Variants in GPC1 observed in about 807,000 individuals in gnomAD.
GPC1 encodes glypican 1.
A neutral mutation model predicts 51.5 loss-of-function variants in GPC1; 26 were observed. The ratio of observed to expected loss-of-function variants is 0.50; its 90% CI spans 0.37 to 0.70. The LOEUF (loss-of-function observed/expected upper bound fraction) is 0.70. Among genes scored for constraint, GPC1 ranks in the 30% least tolerant of loss-of-function variants. GPC1 has a pLI of 0.00. For missense variants in GPC1, 775 were observed against 800.5 expected (o/e 0.97, Z 0.38); for synonymous variants, 380 against 348.3 (o/e 1.09, Z -1.01).
chr2:240,457,432 TC>T (rs1315717456), intron 1 of GPC1: 2 of 470,646 alleles, frequency 4.2e-6, no homozygotes, highest in East Asian at 1.4e-4. Flanking sequence ...GTGCGGAAGA[TC>T]AGCAAACTCA....
At chr2:240,452,653 G>A (rs1242078634) in intron 1 of GPC1, among the ~76,000 whole-genome samples, 1 of 151,884 alleles carries the variant, frequency 6.6e-6, no homozygotes, top group Admixed American at 6.6e-5. Context: ...CCTCGGCGGC[G>A]GGCAGGAAGG....
At chr2:240,449,623 G>C (rs1182327934) in intron 1 of GPC1, 1 of 313,998 alleles carries the variant, frequency 3.2e-6, no homozygotes, top group South Asian at 2.7e-5. Context: ...CATTCATGCT[G>C]TTGTGCGGCC....
At chr2:240,453,275 C>T (rs1160235888) in intron 1 of GPC1, among the ~76,000 whole-genome samples, 1 of 104,314 alleles carries the variant, frequency 9.6e-6, no homozygotes, top group Admixed American at 8.9e-5. Flanking sequence ...CTACCCCTAC[C>T]CCTCCCGGGC....
intron 1 of GPC1, among the ~76,000 whole-genome samples, chr2:240,446,764 G>C (rs1481201161): frequency 6.6e-6 from 1 of 152,214 alleles, no homozygotes; most frequent in African/African-American, 2.4e-5. Flanking sequence ...CCAGCTCATT[G>C]AGAGGACCAG....
chr2:240,456,378 G>A (rs899261013), intron 1 of GPC1, among the ~76,000 whole-genome samples: 2 of 152,144 alleles, frequency 1.3e-5, no homozygotes, highest in Non-Finnish European at 2.9e-5. Context: ...AGGAGCCGGC[G>A]GGGGACGCCA....
chr2:240,454,330 C>T (rs999969651), intron 1 of GPC1, among the ~76,000 whole-genome samples: 2 of 152,206 alleles, frequency 1.3e-5, no homozygotes, highest in African/African-American at 2.4e-5. Context: ...AGGAAACCCC[C>T]TGGGTCGTTT....
chr2:240,449,217 T>C (rs2074074215), intron 1 of GPC1: 1 of 152,634 alleles, frequency 6.6e-6, no homozygotes, highest in Admixed American at 6.5e-5. Context: ...GAGACCTGAG[T>C]GGGGGAGCCA....
At chr2:240,439,336 A>G (rs1406660782) in intron 1 of GPC1, among the ~76,000 whole-genome samples, 1 of 151,686 alleles carries the variant, frequency 6.6e-6, no homozygotes, top group Non-Finnish European at 1.5e-5. Flanking sequence ...TGGAGCAGAC[A>G]CCCCTGTTCT....
intron 4 of GPC1, 130 bp downstream of exon 4, chr2:240,463,642 C>T (rs939382621): frequency 1.3e-5 from 10 of 750,064 alleles, no homozygotes; most frequent in African/African-American, 1.2e-4. Context: ...CTGACCCGGG[C>T]CAGATCTGGG....
At chr2:240,453,083 G>C (rs117203623) in intron 1 of GPC1, 1 of 301,188 alleles carries the variant, frequency 3.3e-6, no homozygotes, top group Non-Finnish European at 6.5e-6. Flanking sequence ...CAGCGCCACC[G>C]TACCCGCATC....
chr2:240,465,179 G>A lies in GPC1; in HGVS notation c.1237G>A (p.Asp413Asn). 6.2e-7 allele frequency: 1 copy of A among 1,611,874 alleles called. No individual in the cohort carries two copies. The highest frequency in any genetic ancestry group is 8.5e-7 in the Non-Finnish European group (1 of 1,179,408). Reference sequence around the variant, plus strand: ...GATGGCCCTGAGCACTGCCAGTGATGACCGCTGCTGGAACGGGATGGCCAG... The same window carrying A: ...GATGGCCCTGAGCACTGCCAGTGATAACCGCTGCTGGAACGGGATGGCCAG... ...EKMALSTASD[D>N]RCWNGMARGR... is the part of the protein sequence containing the mutation. The change falls in exon 7 of 9, where the codon GAC becomes AAC. Residue 413 changes from aspartate to asparagine, a missense_variant. Coordinates refer to ENST00000264039, the MANE Select transcript of GPC1 (RefSeq NM_002081.3).
intron 7 of GPC1, 87 bp downstream of exon 7, chr2:240,465,297 C>A: frequency 6.9e-7 from 1 of 1,440,566 alleles, no homozygotes; most frequent in Non-Finnish European, 9.4e-7. Flanking sequence ...TGCACGGGGC[C>A]ACGTCCCTTG....
At chr2:240,449,023 G>T (rs1042884632) in intron 1 of GPC1, among the ~76,000 whole-genome samples, 2 of 152,128 alleles carry the variant, frequency 1.3e-5, no homozygotes, top group African/African-American at 2.4e-5. Context: ...TGAGACCTGG[G>T]GGGGAAGCCA....
chr2:240,457,505 C>T (rs377214214), intron 1 of GPC1: 30 of 467,494 alleles, frequency 6.4e-5, no homozygotes, highest in African/African-American at 4.2e-4. Flanking sequence ...CCCCAGATGG[C>T]CTCTAGTGGG....
chr2:240,461,333 C>G (rs1200836210), intron 2 of GPC1, among the ~76,000 whole-genome samples: 1 of 152,212 alleles, frequency 6.6e-6, no homozygotes, highest in Non-Finnish European at 1.5e-5. Context: ...CCCTGCTACC[C>G]TGGAGCACCT....
chr2:240,466,301 GC>G lies in GPC1; in HGVS notation c.*15del. ...CCCCGGTGGCGGTAACTGCCCCAAG[GC>G]CCCAGGGACAGAGGCCAAGGACTGA... is the stretch of plus-strand genomic sequence containing the variant. On this transcript the variant is annotated 3_prime_UTR_variant, in exon 9 of 9. Coordinates refer to ENST00000264039, the MANE Select transcript of GPC1 (RefSeq NM_002081.3). The G allele has an allele frequency of 7.0e-7, 1 of 1,437,692 alleles. No individual in the cohort carries two copies. Among genetic ancestry groups the G allele is most frequent in the Non-Finnish European group, 9.8e-7 (1 of 1,019,938 alleles). The allele number at this position is 1,437,692 out of a possible 1,614,324, so 89.1% of individuals were successfully genotyped here. A position where few individuals can be genotyped will look rare whatever the true frequency, so the allele number is the denominator to read the frequency against.
At position 240,466,342 on chromosome 2, in the gene GPC1, C is replaced by T. The variant is rs748847084; in HGVS notation, c.*52C>T. The T allele has an allele frequency of 6.9e-6, 7 of 1,013,688 alleles. No homozygotes were observed. The highest frequency in any genetic ancestry group is 4.8e-5 in the East Asian group (2 of 41,708). The allele number at this position is 1,013,688 out of a possible 1,614,324, so 62.8% of individuals were successfully genotyped here. On this transcript the variant is annotated 3_prime_UTR_variant, in exon 9 of 9. Transcript: ENST00000264039. ...CCAAGGACTGACTTTGCCAAAAATA[C>T]AACACAGACGATATTTAATTCACCT...
chr2:240,464,534 C>T (rs1474687693), intron 4 of GPC1, 82 bp from the exon 5 acceptor site: 12 of 1,350,552 alleles, frequency 8.9e-6, no homozygotes, highest in Middle Eastern at 1.8e-4. Context: ...AACATGCACA[C>T]GTGGTGACGC....
chr2:240,450,687 G>A (rs1338384954), intron 1 of GPC1: 3 of 469,582 alleles, frequency 6.4e-6, no homozygotes, highest in Non-Finnish European at 1.3e-5. Flanking sequence ...TGGCTTGGGG[G>A]GGTGTGGCTC....
Sources: allele counts gnomAD v4.1 joint callset (sites outside exome capture counted in the v4.1 genomes callset), GRCh38; gene constraint gnomAD v4.1.1; transcripts MANE v1.5; gene names NCBI Gene and HGNC (gene_info 2026-07-23, HGNC 2026-07-21).